The following CLDN16 variants were observed in gnomAD, a reference collection of about 807,000 sequenced individuals.
CLDN16 encodes the protein claudin-16.
Under a neutral mutation model 24.6 loss-of-function variants are expected in CLDN16, and 13 were observed. The observed-to-expected ratio is 0.53, with a 90% CI of 0.34 to 0.84. CLDN16 has a LOEUF of 0.84. Among genes scored for constraint, CLDN16 ranks in the 40% least tolerant of loss-of-function variants. The pLI is 0.01. For synonymous variants in CLDN16, 116 were observed against 106.7 expected (o/e 1.09, Z -0.54); for missense variants, 298 against 292.7 (o/e 1.02, Z -0.13).
At chr3:190,294,290 C>A in the CLDN16 span, among the ~76,000 whole-genome samples, 1 of 152,112 alleles carries the variant, frequency 6.6e-6, no homozygotes, top group African/African-American at 2.4e-5. Flanking sequence ...AAAAATGGAA[C>A]AATTTAAGCT....
intron 1 of CLDN16, among the ~76,000 whole-genome samples, chr3:190,398,314 G>A (rs1335748712): frequency 6.6e-6 from 1 of 152,162 alleles, no homozygotes; most frequent in Non-Finnish European, 1.5e-5. Context: ...TCAAGAAGTT[G>A]GCAAGGCTGC....
At chr3:190,306,216 A>G in the CLDN16 span, 1 of 152,178 alleles carries the variant, frequency 6.6e-6, no homozygotes, top group Non-Finnish European at 1.5e-5. Context: ...GGATTTACCA[A>G]CACGTAGGCT....
At chr3:190,381,276 A>T (rs1170029309) in intron 3 of CLDN16, among the ~76,000 whole-genome samples, 2 of 152,080 alleles carry the variant, frequency 1.3e-5, no homozygotes, top group African/African-American at 4.8e-5. Flanking sequence ...TAAAAGTGTA[A>T]GTAGATGGAA....
At chr3:190,323,733 C>T (rs1388549442) in intron 1 of CLDN16, among the ~76,000 whole-genome samples, 1 of 152,148 alleles carries the variant, frequency 6.6e-6, no homozygotes, top group African/African-American at 2.4e-5. Context: ...GAAGAAAGGC[C>T]AAGCCCCACC....
chr3:190,395,577 A>C (rs1718797812), intron 1 of CLDN16, among the ~76,000 whole-genome samples: 1 of 152,086 alleles, frequency 6.6e-6, no homozygotes, highest in South Asian at 2.1e-4. Flanking sequence ...CAATATTATT[A>C]AAACTTTTGC....
chr3:190,343,192 C>T (rs1717476044), intron 1 of CLDN16, among the ~76,000 whole-genome samples: 1 of 151,998 alleles, frequency 6.6e-6, no homozygotes, highest in Admixed American at 6.6e-5. Context: ...AAGTTGCCAA[C>T]AAGTGTATGA....
At chr3:190,295,221 G>T in the CLDN16 span, among the ~76,000 whole-genome samples, 15 of 151,978 alleles carry the variant, frequency 9.9e-5, no homozygotes, top group Non-Finnish European at 2.2e-4. Context: ...GGTACACAAT[G>T]ATACACAGAA....
At chr3:190,299,731 A>G in the CLDN16 span, among the ~76,000 whole-genome samples, 1 of 152,178 alleles carries the variant, frequency 6.6e-6, no homozygotes, top group Non-Finnish European at 1.5e-5. Flanking sequence ...TCACAATTCC[A>G]TACATGCTTA....
At chr3:190,327,799 G>A (rs576516251) in intron 1 of CLDN16, among the ~76,000 whole-genome samples, 40 of 152,286 alleles carry the variant, frequency 2.6e-4, no homozygotes, top group Non-Finnish European at 5.3e-4. Context: ...AGTAAGTGAG[G>A]GGTAACTAAC....
intron 1 of CLDN16, among the ~76,000 whole-genome samples, chr3:190,362,481 A>G (rs1262152877): frequency 2.0e-5 from 3 of 151,810 alleles, no homozygotes; most frequent in Admixed American, 1.3e-4. Context: ...TATCTTTAAA[A>G]ACTCCGATCC....
At chr3:190,353,789 T>C in intron 1 of CLDN16, among the ~76,000 whole-genome samples, 1 of 152,114 alleles carries the variant, frequency 6.6e-6, no homozygotes, top group East Asian at 1.9e-4. Context: ...CCTTGTCTCA[T>C]GGAGTTTGCC....
At chr3:190,308,162 T>C in the CLDN16 span, 1 of 1,233,938 alleles carries the variant, frequency 8.1e-7, no homozygotes, top group Non-Finnish European at 1.2e-6. Flanking sequence ...GTTTGTTTTG[T>C]AATACCATAC....
chr3:190,353,451 T>G (rs977456848), intron 1 of CLDN16, among the ~76,000 whole-genome samples: 1 of 152,046 alleles, frequency 6.6e-6, no homozygotes, highest in African/African-American at 2.4e-5. Flanking sequence ...CATAAATAAA[T>G]GAATAAAGCA....
chr3:190,387,257 CATTAAGGATACCT>C (rs1465800482), upstream of CLDN16, among the ~76,000 whole-genome samples: 1 of 152,118 alleles, frequency 6.6e-6, no homozygotes, highest in Non-Finnish European at 1.5e-5. Context: ...TTTGTAGACC[CATTAAGGATACCT>C]ATTCAGATAC....
chr3:190,369,010 T>A (rs989108319), intron 1 of CLDN16, among the ~76,000 whole-genome samples: 14 of 151,982 alleles, frequency 9.2e-5, no homozygotes, highest in Non-Finnish European at 1.0e-4. Context: ...TTGTAAAACA[T>A]CTTTCAGCCT....
upstream of CLDN16, among the ~76,000 whole-genome samples, chr3:190,386,186 A>G (rs1371293169): frequency 6.6e-6 from 1 of 152,198 alleles, no homozygotes; most frequent in African/African-American, 2.4e-5. Context: ...ATTTTAGGGC[A>G]CAGGGAAAGA....
chr3:190,340,375 A>C (rs1314453061), intron 1 of CLDN16, among the ~76,000 whole-genome samples: 1 of 152,202 alleles, frequency 6.6e-6, no homozygotes, highest in African/African-American at 2.4e-5. Context: ...GGGAGGCCTC[A>C]CAATCACAGT....
chr3:190,349,400 C>A (rs192484580), intron 1 of CLDN16, among the ~76,000 whole-genome samples: 115 of 152,326 alleles, frequency 7.5e-4, no homozygotes, highest in African/African-American at 2.7e-3. Context: ...GCCCCCCAGC[C>A]ATGCTTCCTG....
upstream of CLDN16, chr3:190,322,369 G>T (rs1716952506): frequency 5.9e-6 from 4 of 681,968 alleles, no homozygotes; most frequent in Non-Finnish European, 1.0e-5. Flanking sequence ...CTGGGTCGGG[G>T]TTGGGGTCCG....
Sources: allele counts gnomAD v4.1 joint callset (sites outside exome capture counted in the v4.1 genomes callset), GRCh38; gene constraint gnomAD v4.1.1; transcripts MANE v1.5; gene names NCBI Gene and HGNC (gene_info 2026-07-23, HGNC 2026-07-21).